The following ELF2 variants were observed in gnomAD, a reference collection of about 807,000 sequenced individuals.
ELF2 encodes the protein ETS-related transcription factor Elf-2.
ELF2 carries 11 observed loss-of-function variants against 54.8 expected under a neutral mutation model. That is an observed-to-expected ratio of 0.20 (90% CI 0.13 to 0.33). The LOEUF (loss-of-function observed/expected upper bound fraction) is 0.33, where lower values mean the gene tolerates loss of function less well. ELF2 is among the 10% of genes least tolerant of loss of function. The probability of loss-of-function intolerance (pLI) is 1.00; values close to 1 mark genes in which losing one functional copy is unlikely to be tolerated. For synonymous variants in ELF2, 203 were observed against 245.1 expected (o/e 0.83, Z 1.61); for missense variants, 513 against 703.0 (o/e 0.73, Z 3.06).
intron 4 of ELF2, among the ~76,000 whole-genome samples, chr4:139,104,508 C>CAAAAAAAAAAAAAAAAAAAAAAA (rs34642901): frequency 5.2e-5 from 4 of 76,876 alleles, no homozygotes; most frequent in East Asian, 6.5e-4. Context: ...GACTCTGTCT[C>CAAAAAAAAAAAAAAAAAAAAAAA]AAAAAAAAAA....
intron 7 of ELF2, among the ~76,000 whole-genome samples, chr4:139,063,502 T>A (rs1464937868): frequency 2.0e-5 from 3 of 152,126 alleles, no homozygotes; most frequent in Non-Finnish European, 4.4e-5. Flanking sequence ...CTAGTAAAAT[T>A]TTAAAATGAG....
intron 7 of ELF2, chr4:139,067,430 C>T (rs1354082419): frequency 1.2e-5 from 5 of 421,092 alleles, no homozygotes; most frequent in Non-Finnish European, 1.7e-5. Flanking sequence ...ATCAGACATC[C>T]TTTGGACTTT....
At chr4:139,106,684 C>T (rs1302420711) in intron 4 of ELF2, among the ~76,000 whole-genome samples, 2 of 149,540 alleles carry the variant, frequency 1.3e-5, no homozygotes, top group African/African-American at 2.5e-5. Context: ...TATATTAATA[C>T]AGAAACACAT....
chr4:139,121,167 G>A (rs1319929786), intron 4 of ELF2, among the ~76,000 whole-genome samples: 6 of 135,558 alleles, frequency 4.4e-5, no homozygotes, highest in Admixed American at 3.3e-4. Context: ...GGAGTGCAGT[G>A]GCGCGATCTC....
chr4:139,135,235 ATATGTGTGTGTGTGTGTG>A (rs1221122297), intron 3 of ELF2, among the ~76,000 whole-genome samples: 3 of 131,888 alleles, frequency 2.3e-5, no homozygotes, highest in East Asian at 2.1e-4. Flanking sequence ...ACTACTATAT[ATATGTGTGTGTGTGTGTG>A]TGTGTGTGTG....
chr4:139,063,003 C>G (rs1319198835), intron 7 of ELF2, among the ~76,000 whole-genome samples: 5 of 152,198 alleles, frequency 3.3e-5, no homozygotes, highest in African/African-American at 1.2e-4. Flanking sequence ...CACCTGTAAT[C>G]CCAGCACTTT....
chr4:139,164,411 GGA>G lies in ELF2; in HGVS notation c.-252+12554_-252+12555del, dbSNP rs1741519329. Among the ~76,000 whole-genome samples the G allele has an allele frequency of 5.9e-5, 9 of 152,242 alleles. No individual in the cohort carries two copies. In the South Asian group the frequency reaches 1.9e-3, roughly 32 times the overall value. ...AGCACTTTGGGAGGCGGAGGCGGGT[GGA>G]TCACCTGAGGTCAGGAGTTCGAGAC... On this transcript the variant is annotated intron_variant, in intron 1 of 9. Transcript: ENST00000686138.
At chr4:139,121,234 G>T (rs983156444) in intron 4 of ELF2, among the ~76,000 whole-genome samples, 8 of 146,466 alleles carry the variant, frequency 5.5e-5, no homozygotes, top group Non-Finnish European at 1.0e-4. Context: ...TCAGCCTCCC[G>T]AGTAGCTGGG....
chr4:139,145,227 C>A (rs1374126850), intron 1 of ELF2, among the ~76,000 whole-genome samples: 1 of 152,248 alleles, frequency 6.6e-6, no homozygotes, highest in African/African-American at 2.4e-5. Context: ...ATTAATACTA[C>A]AACCAGCATT....
intron 1 of ELF2, among the ~76,000 whole-genome samples, chr4:139,163,254 G>A (rs887291951): frequency 1.3e-5 from 2 of 151,950 alleles, no homozygotes; most frequent in African/African-American, 2.4e-5. Flanking sequence ...TGGCTTTGAT[G>A]AGAAAAATTA....
intron 4 of ELF2, among the ~76,000 whole-genome samples, chr4:139,109,804 T>C (rs1734777331): frequency 6.6e-6 from 1 of 152,040 alleles, no homozygotes. Context: ...TAACAGTCAC[T>C]GGGGATTCCA....
At chr4:139,156,765 T>C (rs1188587461) in intron 1 of ELF2, among the ~76,000 whole-genome samples, 2 of 152,010 alleles carry the variant, frequency 1.3e-5, no homozygotes, top group African/African-American at 2.4e-5. Flanking sequence ...GCTTCCCAAG[T>C]AGCTGGGATT....
intron 1 of ELF2, among the ~76,000 whole-genome samples, chr4:139,141,379 T>G (rs936751613): frequency 6.6e-6 from 1 of 152,120 alleles, no homozygotes; most frequent in Non-Finnish European, 1.5e-5. Context: ...TAGCTCCACT[T>G]TATACGAAGG....
chr4:139,133,632 C>T (rs1352821323), intron 3 of ELF2, among the ~76,000 whole-genome samples: 2 of 148,492 alleles, frequency 1.3e-5, no homozygotes, highest in South Asian at 2.1e-4. Context: ...AAACTTTTCC[C>T]TACCTTTTTT....
chr4:139,065,055 T>C (rs1728489942), intron 7 of ELF2, among the ~76,000 whole-genome samples: 1 of 152,158 alleles, frequency 6.6e-6, no homozygotes, highest in Non-Finnish European at 1.5e-5. Flanking sequence ...GTTCACATAG[T>C]AGTAAATGTG....
chr4:139,142,233 A>G (rs1361275598), intron 1 of ELF2, among the ~76,000 whole-genome samples: 1 of 152,240 alleles, frequency 6.6e-6, no homozygotes, highest in African/African-American at 2.4e-5. Context: ...ACTCACTAAA[A>G]AAGTGACATA....
chr4:139,135,228 A>C (rs1738000917), intron 3 of ELF2, among the ~76,000 whole-genome samples: 1 of 127,866 alleles, frequency 7.8e-6, no homozygotes, highest in Non-Finnish European at 1.6e-5. Context: ...TACATATACT[A>C]CTATATATAT....
At chr4:139,078,203 G>A (rs1401196264) in intron 4 of ELF2, among the ~76,000 whole-genome samples, 3 of 152,106 alleles carry the variant, frequency 2.0e-5, no homozygotes, top group Non-Finnish European at 4.4e-5. Flanking sequence ...ATAAAAGAAT[G>A]CTGGCAATGG....
intron 4 of ELF2, among the ~76,000 whole-genome samples, chr4:139,088,045 G>C (rs1732180994): frequency 6.6e-6 from 1 of 152,096 alleles, no homozygotes; most frequent in Admixed American, 6.5e-5. Flanking sequence ...CCAGCACTTT[G>C]GGGAGCCTAG....
Sources: allele counts gnomAD v4.1 joint callset (sites outside exome capture counted in the v4.1 genomes callset), GRCh38; gene constraint gnomAD v4.1.1; transcripts MANE v1.5; gene names NCBI Gene and HGNC (gene_info 2026-07-23, HGNC 2026-07-21).